RORB: variants seen among roughly 807,000 people sequenced by gnomAD.
The protein encoded by RORB is nuclear receptor ROR-beta.
Under a neutral mutation model 59.1 loss-of-function variants are expected in RORB, and 6 were observed. The observed-to-expected ratio is 0.10, with a 90% CI of 0.06 to 0.20. The LOEUF (loss-of-function observed/expected upper bound fraction) is 0.20. Ranked by LOEUF, RORB falls within the 10% of genes least tolerant of loss-of-function variation. RORB has a pLI of 1.00. For synonymous variants in RORB, 215 were observed against 204.5 expected (o/e 1.05, Z -0.44); for missense variants, 320 against 560.5 (o/e 0.57, Z 4.33).
At chr9:74,555,576 G>C (rs923908337) in intron 1 of RORB, among the ~76,000 whole-genome samples, 1 of 152,168 alleles carries the variant, frequency 6.6e-6, no homozygotes, top group Non-Finnish European at 1.5e-5. Flanking sequence ...CATTCATCAA[G>C]TCATGAAGCT....
intron 9 of RORB, among the ~76,000 whole-genome samples, chr9:74,685,108 G>A (rs745807967): frequency 3.9e-5 from 6 of 152,110 alleles, no homozygotes; most frequent in African/African-American, 9.7e-5. Context: ...CAAAGTCACA[G>A]CTACACCATT....
chr9:74,578,921 C>T (rs1255737613), intron 1 of RORB, among the ~76,000 whole-genome samples: 1 of 152,082 alleles, frequency 6.6e-6, no homozygotes, highest in African/African-American at 2.4e-5. Flanking sequence ...GCCTGTCCTG[C>T]TGTACTCCAG....
At chr9:74,657,211 A>AATTTATTT (rs575383495) in intron 4 of RORB, among the ~76,000 whole-genome samples, 2 of 151,794 alleles carry the variant, frequency 1.3e-5, no homozygotes, top group African/African-American at 4.8e-5. Context: ...ATGCCCAGCT[A>AATTTATTT]ATTTATTTAT....
At chr9:74,630,254 G>T (rs774803155) in intron 1 of RORB, 28 bp from the exon 2 acceptor site, 2 of 1,608,514 alleles carry the variant, frequency 1.2e-6, no homozygotes, top group South Asian at 2.2e-5. Flanking sequence ...ACATCTGTAT[G>T]CTCAAAATGT....
intron 1 of RORB, among the ~76,000 whole-genome samples, chr9:74,626,062 A>ATG (rs967796654): frequency 1.4e-4 from 22 of 152,310 alleles, no homozygotes; most frequent in Admixed American, 1.1e-3. Flanking sequence ...AGAACTAAAA[A>ATG]TGTGTGTGTT....
chr9:74,533,412 T>A (rs1826275788), intron 1 of RORB, among the ~76,000 whole-genome samples: 1 of 151,948 alleles, frequency 6.6e-6, no homozygotes, highest in Admixed American at 6.6e-5. Context: ...TCCTGAAAAA[T>A]TACTCACAGT....
At chr9:74,590,387 C>A (rs1378192701) in intron 1 of RORB, among the ~76,000 whole-genome samples, 1 of 152,110 alleles carries the variant, frequency 6.6e-6, no homozygotes, top group African/African-American at 2.4e-5. Context: ...CTTATATAAT[C>A]ATCTGGGTTA....
Position 74,531,248 on chromosome 9 carries a change from C to A in RORB, c.7+33265C>A, listed in dbSNP as rs369245173. On this transcript the variant is annotated intron_variant, in intron 1 of 9. Coordinates refer to ENST00000376896, the MANE Select transcript of RORB (RefSeq NM_006914.4). Reference sequence around the variant, plus strand: ...GATTTCACTGATTATTGTATCAAAGCGACAATGATTGATCAAAGTCAAGTT... The same window carrying A: ...GATTTCACTGATTATTGTATCAAAGAGACAATGATTGATCAAAGTCAAGTT... Among the ~76,000 whole-genome samples the A allele has an allele frequency of 4.6e-5, 7 of 151,914 alleles. No individual in the cohort carries two copies. The East Asian group carries it at 1.4e-3, about 29-fold the overall frequency.
At chr9:74,514,864 G>A (rs1271640022) in intron 1 of RORB, among the ~76,000 whole-genome samples, 1 of 151,382 alleles carries the variant, frequency 6.6e-6, no homozygotes, top group East Asian at 1.9e-4. Context: ...ATTCAATACA[G>A]TTATTTCAAT....
At chr9:74,616,373 C>T (rs1823312926) in intron 1 of RORB, among the ~76,000 whole-genome samples, 1 of 152,106 alleles carries the variant, frequency 6.6e-6, no homozygotes, top group Non-Finnish European at 1.5e-5. Flanking sequence ...CAAAAAAGTT[C>T]CTGATCAAAC....
chr9:74,574,455 T>C (rs1322474231), intron 1 of RORB, among the ~76,000 whole-genome samples: 1 of 152,082 alleles, frequency 6.6e-6, no homozygotes, highest in Non-Finnish European at 1.5e-5. Context: ...TCTTTCTTTA[T>C]TAATTTAAAT....
In RORB at chr9:74,665,600, G is replaced by A. The variant is rs1319284470; in HGVS notation, c.1000+5G>A. Reference sequence around the variant, plus strand: ...TGCAAATGTTCAAAGCCTTAGGTAAGTTTCCCTTTGATGAGGACACAATTT... The same window carrying A: ...TGCAAATGTTCAAAGCCTTAGGTAAATTTCCCTTTGATGAGGACACAATTT... On this transcript the variant is annotated splice_donor_5th_base_variant and intron_variant, in intron 7 of 9. Transcript: ENST00000376896. 3 of 1,582,030 alleles carry A rather than the reference G, an allele frequency of 1.9e-6. No homozygotes were observed. The highest frequency in any genetic ancestry group is 2.6e-6 in the Non-Finnish European group (3 of 1,152,292).
chr9:74,587,180 G>A (rs568079748), intron 1 of RORB, among the ~76,000 whole-genome samples: 9 of 152,222 alleles, frequency 5.9e-5, no homozygotes, highest in East Asian at 1.9e-4. Flanking sequence ...CTGAATCAAC[G>A]GTTTCAGGAT....
chr9:74,552,066 G>A (rs1360019012), intron 1 of RORB, among the ~76,000 whole-genome samples: 4 of 152,194 alleles, frequency 2.6e-5, no homozygotes, highest in South Asian at 2.1e-4. Context: ...CTGGGGGGCC[G>A]TCAGGTGGAA....
At chr9:74,659,983 T>G (rs923251799) in intron 4 of RORB, among the ~76,000 whole-genome samples, 30 of 87,696 alleles carry the variant, frequency 3.4e-4, no homozygotes, top group African/African-American at 1.4e-3. Flanking sequence ...ATTCCAATCA[T>G]TATCAACTCA....
rs1823042290 is a variant in RORB, at chr9:74,600,733, A to G, written c.8-29549A>G. Among the ~76,000 whole-genome samples, 3 of 152,244 alleles carry G rather than the reference A, an allele frequency of 2.0e-5. No individual in the cohort carries two copies. The South Asian group carries it at 6.2e-4, about 31-fold the overall frequency. Reference sequence around the variant, plus strand: ...TATTGAAATTTTTTCTTGAAGTATAAGTCCTATTTTATCAGTACATCTTCT... The same window carrying G: ...TATTGAAATTTTTTCTTGAAGTATAGGTCCTATTTTATCAGTACATCTTCT... On this transcript the variant is annotated intron_variant, in intron 1 of 9. Coordinates refer to ENST00000376896, the MANE Select transcript of RORB (RefSeq NM_006914.4).
Position 74,666,557 on chromosome 9 carries a change from T to C in RORB, c.1000+962T>C, listed in dbSNP as rs530449949. 8.1e-5 allele frequency among the ~76,000 whole-genome samples: 12 copies of C among 148,808 alleles called. No individual in the cohort carries two copies. In the East Asian group the frequency reaches 2.2e-3, roughly 27 times the overall value. On this transcript the variant is annotated intron_variant, in intron 7 of 9. Coordinates refer to ENST00000376896, the MANE Select transcript of RORB (RefSeq NM_006914.4). ...ATAGATCATTCTTTGTGAAATCAGC[T>C]TTTTTTTTTCAACTTTATTGCATAT... is the stretch of plus-strand genomic sequence containing the variant.
chr9:74,665,664 G>T, intron 7 of RORB, 69 bp downstream of exon 7: 3 of 987,850 alleles, frequency 3.0e-6, no homozygotes, highest in Non-Finnish European at 4.8e-6. Context: ...GATTGAAATT[G>T]GTAAATGAAA....
rs118064065 is a variant in RORB, at chr9:74,689,386, G to A, written c.*3768G>A. 2 of 152,426 alleles carry A rather than the reference G, an allele frequency of 1.3e-5. No homozygotes were observed. Among genetic ancestry groups the A allele is most frequent in the Non-Finnish European group, 2.9e-5 (2 of 68,124 alleles). The allele number at this position is 152,426 out of a possible 1,614,324, so 9.4% of individuals were successfully genotyped here. A position where few individuals can be genotyped will look rare whatever the true frequency, so the allele number is the denominator to read the frequency against. On this transcript the variant is annotated 3_prime_UTR_variant, in exon 10 of 10. Coordinates refer to ENST00000376896, the MANE Select transcript of RORB (RefSeq NM_006914.4). ...CCCAAAGTGCAAGGATTACAGGCCTGAGCCACTGCGCCCTGCCTTCAGTGG... is the reference window on the plus strand; with the variant it reads ...CCCAAAGTGCAAGGATTACAGGCCTAAGCCACTGCGCCCTGCCTTCAGTGG...
Sources: allele counts gnomAD v4.1 joint callset (sites outside exome capture counted in the v4.1 genomes callset), GRCh38; gene constraint gnomAD v4.1.1; transcripts MANE v1.5; gene names NCBI Gene and HGNC (gene_info 2026-07-23, HGNC 2026-07-21).